SLCO1B3: variants seen among roughly 807,000 people sequenced by gnomAD.
SLCO1B3 encodes the protein liver-specific organic anion transporter 2.
In SLCO1B3, 72 loss-of-function variants were observed where a neutral mutation model predicts 71.8. The ratio of observed to expected loss-of-function variants is 1.00; its 90% CI spans 0.83 to 1.22. SLCO1B3 has a LOEUF of 1.22. SLCO1B3 is among the 50% of genes most tolerant of loss of function. SLCO1B3 has a pLI of 0.00. For missense variants in SLCO1B3, 911 were observed against 819.7 expected, an observed-to-expected ratio of 1.11 and a Z score of -1.36; for synonymous variants, 298 against 278.4, an observed-to-expected ratio of 1.07 and a Z score of -0.70.
intron 3 of SLCO1B3, among the ~76,000 whole-genome samples, chr12:20,832,868 C>T (rs1864572697): frequency 6.6e-6 from 1 of 152,166 alleles, no homozygotes; most frequent in African/African-American, 2.4e-5. Context: ...TTATCACCAG[C>T]TGACACTAAG....
At chr12:20,882,243 C>T (rs1243687597) in intron 12 of SLCO1B3, among the ~76,000 whole-genome samples, 2 of 152,132 alleles carry the variant, frequency 1.3e-5, no homozygotes, top group Non-Finnish European at 2.9e-5. Flanking sequence ...AGTTCCTTTA[C>T]TAAATCCTCA....
intron 3 of SLCO1B3, among the ~76,000 whole-genome samples, chr12:20,843,791 A>AG (rs1355218784): frequency 4.6e-5 from 7 of 152,048 alleles, no homozygotes; most frequent in African/African-American, 1.4e-4. Context: ...AAAAAAAAAA[A>AG]AAAGTACTAT....
intron 8 of SLCO1B3, among the ~76,000 whole-genome samples, chr12:20,868,326 G>A (rs879888205): frequency 6.6e-6 from 1 of 151,754 alleles, no homozygotes; most frequent in South Asian, 2.1e-4. Flanking sequence ...ATTGTCAACT[G>A]TTTGGGGGGT....
At chr12:20,915,244 A>C (rs1256591232) in intron 15 of SLCO1B3, among the ~76,000 whole-genome samples, 2 of 151,882 alleles carry the variant, frequency 1.3e-5, no homozygotes, top group African/African-American at 4.8e-5. Context: ...TTGTTTCCTC[A>C]GCAGTGCTCT....
chr12:20,841,941 G>T (rs1208890313), intron 3 of SLCO1B3, among the ~76,000 whole-genome samples: 2 of 150,990 alleles, frequency 1.3e-5, no homozygotes, highest in African/African-American at 4.9e-5. Flanking sequence ...CTAGAGTGCA[G>T]TGGAGCAATC....
intron 15 of SLCO1B3, among the ~76,000 whole-genome samples, chr12:20,914,106 A>G (rs985237917): frequency 6.6e-6 from 1 of 152,078 alleles, no homozygotes; most frequent in Non-Finnish European, 1.5e-5. Flanking sequence ...ATTGACATTC[A>G]AAGTGATTAC....
At position 20,855,077 on chromosome 12, in the gene SLCO1B3, G is replaced by A; in HGVS notation, c.134G>A (p.Gly45Glu). 3 of 1,611,824 alleles carry A rather than the reference G, an allele frequency of 1.9e-6. No homozygotes were observed. Among genetic ancestry groups the A allele is most frequent in the Non-Finnish European group, 2.5e-6 (3 of 1,179,208 alleles). ...AGCTATATTGCTAAAGCACTAGGTG[G>A]AATCATTATGAAAATTTCCATCACT... ...SFSYIAKALGGIIMKISITQI... is the reference protein window; with the variant it reads ...SFSYIAKALGEIIMKISITQI... The change falls in exon 4 of 16, where the codon GGA becomes GAA. Residue 45 changes from glycine to glutamate, a missense_variant. Gly to Glu is a moderately conservative substitution (Grantham distance 98). Coordinates refer to ENST00000381545, the MANE Select transcript of SLCO1B3 (RefSeq NM_019844.4).
At chr12:20,825,746 T>C (rs1313887923) in intron 3 of SLCO1B3, among the ~76,000 whole-genome samples, 2 of 141,350 alleles carry the variant, frequency 1.4e-5, no homozygotes, top group East Asian at 4.1e-4. Flanking sequence ...TTGCAGTGAG[T>C]CGAGATTGTG....
At position 20,815,826 on chromosome 12, in the gene SLCO1B3, G is replaced by C. The variant is rs745685115; in HGVS notation, c.84+4G>C. On this transcript the variant is annotated splice_donor_region_variant and intron_variant, in intron 3 of 15. Transcript: ENST00000381545. The stretch of plus-strand genomic sequence containing the variant: ...AAGACGCTGCAATGGATTCAAGGTA[G>C]AATGGGTTTTATATTTTCAAACTAA... 21 of 1,558,364 alleles carry C rather than the reference G, an allele frequency of 1.3e-5. No individual in the cohort carries two copies. The highest frequency in any genetic ancestry group is 1.8e-5 in the Non-Finnish European group (21 of 1,146,890).
At chr12:20,818,471 T>G (rs940742110) in intron 3 of SLCO1B3, among the ~76,000 whole-genome samples, 3 of 148,890 alleles carry the variant, frequency 2.0e-5, no homozygotes, top group Non-Finnish European at 4.5e-5. Flanking sequence ...AGTGTCTACT[T>G]AGACAAAGAG....
At chr12:20,843,939 G>A (rs1864854117) in intron 3 of SLCO1B3, among the ~76,000 whole-genome samples, 1 of 151,568 alleles carries the variant, frequency 6.6e-6, no homozygotes. Flanking sequence ...TCTTTTGCTG[G>A]GTGTTCAACA....
At position 20,883,543 on chromosome 12, in the gene SLCO1B3, A is replaced by C. The variant is rs747167552; in HGVS notation, c.1623A>C (p.Gln541His). The C allele has an allele frequency of 1.2e-6, 2 of 1,604,872 alleles. No homozygotes were observed. The highest frequency in any genetic ancestry group is 2.2e-5 in the South Asian group (2 of 89,300). Residue 541 changes from glutamine (Q) to histidine (H), a missense_variant, in exon 13 of 16, where the codon CAA (glutamine) becomes CAC (histidine). Coordinates refer to ENST00000381545, the MANE Select transcript of SLCO1B3 (RefSeq NM_019844.4). ...TRKFFIYVAI[Q>H]VINSLFSATG... ...AATTTTTCATCTATGTTGCAATTCA[A>C]GTCATAAACTCTTTGTTCTCTGCAA...
intron 15 of SLCO1B3, among the ~76,000 whole-genome samples, chr12:20,912,014 AAT>A (rs1423555185): frequency 6.6e-6 from 1 of 152,104 alleles, no homozygotes; most frequent in Non-Finnish European, 1.5e-5. Flanking sequence ...TAAAAGATTA[AAT>A]GATTGATTTA....
intron 3 of SLCO1B3, among the ~76,000 whole-genome samples, chr12:20,840,629 A>T (rs1001761233): frequency 6.6e-6 from 1 of 151,926 alleles, no homozygotes; most frequent in African/African-American, 2.4e-5. Flanking sequence ...CTGACCTCAC[A>T]ATCCACCAGC....
At chr12:20,876,896 T>A (rs907342353) in intron 9 of SLCO1B3, among the ~76,000 whole-genome samples, 1 of 152,068 alleles carries the variant, frequency 6.6e-6, no homozygotes, top group African/African-American at 2.4e-5. Context: ...AGTGGTGCAA[T>A]CTTGACTCAC....
At chr12:20,844,537 C>T (rs1000276139) in intron 3 of SLCO1B3, among the ~76,000 whole-genome samples, 8 of 151,994 alleles carry the variant, frequency 5.3e-5, no homozygotes, top group African/African-American at 1.9e-4. Flanking sequence ...CATTGCACTC[C>T]AGCCTGGTTG....
At chr12:20,853,052 T>A (rs1028302071) in intron 3 of SLCO1B3, among the ~76,000 whole-genome samples, 2 of 152,126 alleles carry the variant, frequency 1.3e-5, no homozygotes, top group Non-Finnish European at 2.9e-5. Flanking sequence ...TTAGTGAATG[T>A]GATGTATTAT....
chr12:20,856,056 T>C (rs543127592), intron 4 of SLCO1B3, among the ~76,000 whole-genome samples: 1 of 152,324 alleles, frequency 6.6e-6, no homozygotes, highest in South Asian at 2.1e-4. Context: ...GATTCAAAGA[T>C]ATGACACTCT....
chr12:20,880,403 A>T lies in SLCO1B3; in HGVS notation c.1332-452A>T, dbSNP rs750331002. 3.0e-3 allele frequency among the ~76,000 whole-genome samples: 463 copies of T among 152,114 alleles called. 2 individuals are homozygous for T. The highest frequency in any genetic ancestry group is 4.8e-3 in the Non-Finnish European group (327 of 67,936). ...TTGTAAAATTCAACAATGTTAACTA[A>T]CATGCATAGATTCAGAGGATTTTAA... On this transcript the variant is annotated intron_variant, in intron 11 of 15. Coordinates refer to ENST00000381545, the MANE Select transcript of SLCO1B3 (RefSeq NM_019844.4).
Sources: allele counts gnomAD v4.1 joint callset (sites outside exome capture counted in the v4.1 genomes callset), GRCh38; gene constraint gnomAD v4.1.1; transcripts MANE v1.5; gene names NCBI Gene and HGNC (gene_info 2026-07-23, HGNC 2026-07-21).